The following LRP1B variants were observed in gnomAD, a reference collection of about 807,000 sequenced individuals.
LRP1B encodes low-density lipoprotein receptor-related protein 1B.
LRP1B carries 217 observed loss-of-function variants against 556.6 expected under a neutral mutation model. The observed-to-expected ratio is 0.39, with a 90% CI of 0.35 to 0.44. The LOEUF is 0.44. Among genes scored for constraint, LRP1B ranks in the 20% least tolerant of loss-of-function variants. The probability of loss-of-function intolerance (pLI) is 1.00; values close to 1 mark genes in which losing one functional copy is unlikely to be tolerated. For missense variants in LRP1B, 5,053 were observed against 5,620.8 expected (o/e 0.90, Z 3.23); for synonymous variants, 2,047 against 1,865.8 (o/e 1.10, Z -2.50).
At chr2:141,157,310 T>C (rs1411310286) in intron 7 of LRP1B, among the ~76,000 whole-genome samples, 1 of 152,090 alleles carries the variant, frequency 6.6e-6, no homozygotes, top group Non-Finnish European at 1.5e-5. Flanking sequence ...GTTTCATTAT[T>C]ACTTCATATA....
chr2:140,713,171 C>G (rs1308556351), intron 37 of LRP1B, among the ~76,000 whole-genome samples: 6 of 152,004 alleles, frequency 3.9e-5, no homozygotes, highest in African/African-American at 1.2e-4. Flanking sequence ...CCAAACTTGG[C>G]TGTCTCAGAA....
chr2:141,999,126 T>C (rs567917818), intron 1 of LRP1B, among the ~76,000 whole-genome samples: 95 of 152,290 alleles, frequency 6.2e-4, no homozygotes, highest in African/African-American at 2.2e-3. Context: ...GAATTCGATG[T>C]CTTATTGCAA....
At chr2:140,529,322 T>C (rs1690577112) in intron 47 of LRP1B, among the ~76,000 whole-genome samples, 1 of 151,922 alleles carries the variant, frequency 6.6e-6, no homozygotes, top group African/African-American at 2.4e-5. Flanking sequence ...TTTGAAAGAC[T>C]TAAAAATCAA....
At chr2:141,628,320 G>C (rs1688776453) in intron 2 of LRP1B, among the ~76,000 whole-genome samples, 1 of 152,098 alleles carries the variant, frequency 6.6e-6, no homozygotes, top group Non-Finnish European at 1.5e-5. Flanking sequence ...TCAGAAAGAA[G>C]GTAGGTCTCA....
At chr2:141,163,378 C>T (rs140612776) in intron 7 of LRP1B, among the ~76,000 whole-genome samples, 12 of 152,074 alleles carry the variant, frequency 7.9e-5, no homozygotes, top group South Asian at 4.1e-4. Flanking sequence ...ATGGCAATAA[C>T]GTCATTTTAC....
chr2:141,379,577 C>T (rs1183539239), intron 3 of LRP1B, among the ~76,000 whole-genome samples: 2 of 152,152 alleles, frequency 1.3e-5, no homozygotes, highest in African/African-American at 4.8e-5. Context: ...AAACCTCACC[C>T]TCAGCAAAGC....
intron 2 of LRP1B, among the ~76,000 whole-genome samples, chr2:141,693,405 C>T (rs1160444673): frequency 2.0e-5 from 3 of 151,480 alleles, no homozygotes; most frequent in Non-Finnish European, 2.9e-5. Flanking sequence ...ATAACCATTC[C>T]CAAATTTATT....
chr2:140,267,556 C>G (rs1454178709), intron 86 of LRP1B, among the ~76,000 whole-genome samples: 1 of 151,898 alleles, frequency 6.6e-6, no homozygotes, highest in Non-Finnish European at 1.5e-5. Flanking sequence ...TGGGAAAAGT[C>G]TGTACAGAAA....
At chr2:140,488,544 C>T (rs1019784365) in intron 57 of LRP1B, among the ~76,000 whole-genome samples, 2 of 151,984 alleles carry the variant, frequency 1.3e-5, no homozygotes, top group African/African-American at 2.4e-5. Context: ...GAGGACTGTA[C>T]ATCCAGGATC....
intron 12 of LRP1B, among the ~76,000 whole-genome samples, chr2:141,017,141 A>G (rs1458123106): frequency 2.0e-5 from 3 of 152,068 alleles, no homozygotes; most frequent in Non-Finnish European, 2.9e-5. Flanking sequence ...GTATCTTGTA[A>G]TTCCTTAAAG....
At chr2:140,871,455 G>C (rs1693125999) in intron 25 of LRP1B, among the ~76,000 whole-genome samples, 1 of 152,234 alleles carries the variant, frequency 6.6e-6, no homozygotes, top group Admixed American at 6.5e-5. Context: ...TAATATCTAT[G>C]TTTAAATGCT....
Position 141,307,045 on chromosome 2 carries a change from T to C in LRP1B, c.344-52404A>G, listed in dbSNP as rs1306348121. ...AAAATATGGTCTATCTGGAGAATGT[T>C]CCACATGCTGACGGGGAAAATGTAT... On this transcript the variant is annotated intron_variant, in intron 3 of 90. Transcript: ENST00000389484. Among the ~76,000 whole-genome samples, 4 of 152,286 alleles carry C rather than the reference T, an allele frequency of 2.6e-5. No homozygotes were observed. The East Asian group carries it at 7.7e-4, about 29-fold the overall frequency.
intron 7 of LRP1B, among the ~76,000 whole-genome samples, chr2:141,154,980 T>G (rs1702029326): frequency 6.6e-6 from 1 of 152,076 alleles, no homozygotes; most frequent in South Asian, 2.1e-4. Context: ...CCTATTATAA[T>G]AAATGTTCTG....
intron 41 of LRP1B, chr2:140,683,668 T>C (rs1174572605): frequency 1.4e-6 from 1 of 700,944 alleles, no homozygotes; most frequent in Admixed American, 1.9e-5. Flanking sequence ...TTACAGCAAA[T>C]CTTCAGAATG....
At chr2:140,586,929 G>T (rs1166226721) in intron 43 of LRP1B, among the ~76,000 whole-genome samples, 4 of 151,392 alleles carry the variant, frequency 2.6e-5, no homozygotes, top group Admixed American at 2.6e-4. Flanking sequence ...ATCTGAAAAA[G>T]ATTTAAAAGT....
chr2:140,604,673 A>G lies in LRP1B; in HGVS notation c.6800-3034T>C, dbSNP rs147807615. ...CACTGGTATTCATCCGGCTAGGAAAACAGTCGCAGGTAAATCCAGTTGCAA... is the reference window on the plus strand; with the variant it reads ...CACTGGTATTCATCCGGCTAGGAAAGCAGTCGCAGGTAAATCCAGTTGCAA... On this transcript the variant is annotated intron_variant, in intron 41 of 90. Transcript: ENST00000389484. 1.9e-4 allele frequency among the ~76,000 whole-genome samples: 29 copies of G among 152,210 alleles called. No homozygotes were observed. In the East Asian group the frequency reaches 5.2e-3, roughly 27 times the overall value.
At chr2:142,032,672 C>A (rs976420046) in intron 1 of LRP1B, among the ~76,000 whole-genome samples, 18 of 151,794 alleles carry the variant, frequency 1.2e-4, no homozygotes, top group African/African-American at 4.4e-4. Flanking sequence ...TATCTTTAGA[C>A]ATACAGGGCT....
At chr2:140,691,753 G>A (rs1183314910) in intron 41 of LRP1B, among the ~76,000 whole-genome samples, 1 of 152,088 alleles carries the variant, frequency 6.6e-6, no homozygotes, top group Non-Finnish European at 1.5e-5. Context: ...ACATGCATAT[G>A]TATGAGATTT....
intron 18 of LRP1B, among the ~76,000 whole-genome samples, chr2:140,971,673 C>T (rs918373096): frequency 1.3e-5 from 2 of 151,962 alleles, no homozygotes; most frequent in East Asian, 1.9e-4. Context: ...TCTCTACTAA[C>T]AATACAAAAA....
Sources: gnomAD v4.1 joint callset for allele counts (sites outside exome capture counted in the v4.1 genomes callset) on GRCh38, gnomAD v4.1.1 for gene constraint, MANE v1.5 for transcripts, NCBI Gene and HGNC (gene_info 2026-07-23, HGNC 2026-07-21) for gene names.